The following SLC14A2 variants were observed in gnomAD, a reference collection of about 807,000 sequenced individuals.
SLC14A2 encodes solute carrier family 14 member 2, also known as urea transporter 2.
A neutral mutation model predicts 104.6 loss-of-function variants in SLC14A2; 91 were observed. The ratio of observed to expected loss-of-function variants is 0.87; its 90% CI spans 0.73 to 1.04. SLC14A2 has a LOEUF of 1.04. SLC14A2 is among the 50% of genes least tolerant of loss of function. SLC14A2 has a pLI of 0.00. For missense variants in SLC14A2, 1,189 were observed against 1,156.0 expected (o/e 1.03, Z -0.41); for synonymous variants, 476 against 466.4 (o/e 1.02, Z -0.27).
chr18:45,657,780 C>T (rs1049561711), intron 10 of SLC14A2, among the ~76,000 whole-genome samples: 4 of 152,168 alleles, frequency 2.6e-5, no homozygotes, highest in African/African-American at 9.7e-5. Flanking sequence ...TGGACAAGAT[C>T]ATCTCAAAGC....
intron 2 of SLC14A2, among the ~76,000 whole-genome samples, chr18:45,533,499 G>A (rs966056519): frequency 6.6e-6 from 1 of 152,190 alleles, no homozygotes; most frequent in East Asian, 1.9e-4. Context: ...GGTGTTTATA[G>A]TATTCTCTGA....
At chr18:45,680,632 T>C (rs2046298351) in intron 19 of SLC14A2, among the ~76,000 whole-genome samples, 1 of 152,246 alleles carries the variant, frequency 6.6e-6, no homozygotes, top group African/African-American at 2.4e-5. Flanking sequence ...AATGCTGCCA[T>C]CTGTTTGATG....
intron 1 of SLC14A2, among the ~76,000 whole-genome samples, chr18:45,396,537 G>T (rs1281146823): frequency 6.6e-6 from 1 of 151,726 alleles, no homozygotes; most frequent in Non-Finnish European, 1.5e-5. Context: ...TTATTTTGGG[G>T]GGTTTTCCAT....
At chr18:45,469,685 TTG>T (rs1473468869) in intron 1 of SLC14A2, among the ~76,000 whole-genome samples, 1 of 152,174 alleles carries the variant, frequency 6.6e-6, no homozygotes, top group Admixed American at 6.5e-5. Context: ...AGTGACATGT[TTG>T]TGAAGTCTTA....
chr18:45,182,974 C>T, the SLC14A2 span, among the ~76,000 whole-genome samples: 676 of 152,074 alleles, frequency 4.4e-3, 6 homozygotes, highest in African/African-American at 0.015. Flanking sequence ...AAAACAGTAC[C>T]GTATTGGTGC....
intron 1 of SLC14A2, among the ~76,000 whole-genome samples, chr18:45,280,588 T>A (rs944133188): frequency 1.3e-5 from 2 of 152,146 alleles, no homozygotes; most frequent in Admixed American, 1.3e-4. Flanking sequence ...CTACAGGTCC[T>A]GGGAGAAGGA....
intron 1 of SLC14A2, among the ~76,000 whole-genome samples, chr18:45,443,661 A>T (rs910335259): frequency 1.3e-5 from 2 of 152,106 alleles, no homozygotes; most frequent in African/African-American, 4.8e-5. Flanking sequence ...GATCTTCTGT[A>T]GGGCAGAGGG....
intron 1 of SLC14A2, chr18:45,447,135 C>T (rs1039630594): frequency 6.6e-6 from 1 of 152,154 alleles, no homozygotes; most frequent in Non-Finnish European, 1.5e-5. Flanking sequence ...TAGTCAGTCA[C>T]CTCCCCTGGG....
intron 1 of SLC14A2, among the ~76,000 whole-genome samples, chr18:45,314,583 C>T (rs2085110187): frequency 6.6e-6 from 1 of 152,196 alleles, no homozygotes; most frequent in Non-Finnish European, 1.5e-5. Context: ...TTGAGGTCCT[C>T]TCCTCTCTCC....
At chr18:45,177,795 G>A in the SLC14A2 span, among the ~76,000 whole-genome samples, 3 of 152,164 alleles carry the variant, frequency 2.0e-5, no homozygotes, top group Non-Finnish European at 4.4e-5. Flanking sequence ...GCATAGAGTA[G>A]ACATGCAATT....
At chr18:45,268,565 G>A (rs2084616583) in intron 1 of SLC14A2, among the ~76,000 whole-genome samples, 1 of 152,216 alleles carries the variant, frequency 6.6e-6, no homozygotes, top group South Asian at 2.1e-4. Flanking sequence ...TTGTCCTGGT[G>A]TCTCTTTGGG....
At chr18:45,316,399 G>T (rs1568148485) in intron 1 of SLC14A2, among the ~76,000 whole-genome samples, 1 of 152,166 alleles carries the variant, frequency 6.6e-6, no homozygotes, top group African/African-American at 2.4e-5. Flanking sequence ...GGATCTCAGA[G>T]GTTAAGTGAC....
chr18:45,525,092 G>T (rs913297679), intron 2 of SLC14A2, among the ~76,000 whole-genome samples: 2 of 151,408 alleles, frequency 1.3e-5, no homozygotes, highest in African/African-American at 4.9e-5. Context: ...TACCTCTTGG[G>T]GGTAATTCCC....
chr18:45,358,924 C>T lies in SLC14A2; in HGVS notation c.-124-124309C>T, dbSNP rs568812506. ...ACAATGTATGACCAAACCGGTATAG[C>T]ACAGAGAAAGGAAGGTGAACTTTGA... is the stretch of plus-strand genomic sequence containing the variant. On this transcript the variant is annotated intron_variant, in intron 1 of 20. Coordinates refer to the SLC14A2 transcript ENST00000586448. 1.8e-3 allele frequency among the ~76,000 whole-genome samples: 281 copies of T among 152,258 alleles called. 2 individuals carry two copies. Among genetic ancestry groups the T allele is most frequent in the Admixed American group, 3.4e-3 (52 of 15,284 alleles).
intron 1 of SLC14A2, among the ~76,000 whole-genome samples, chr18:45,459,028 G>A (rs894575126): frequency 6.3e-4 from 96 of 152,320 alleles, no homozygotes; most frequent in African/African-American, 2.1e-3. Context: ...ATGTGTGGCA[G>A]TCCATTCTGA....
At chr18:45,434,988 TA>T (rs1241010391) in intron 1 of SLC14A2, among the ~76,000 whole-genome samples, 1 of 152,228 alleles carries the variant, frequency 6.6e-6, no homozygotes, top group African/African-American at 2.4e-5. Flanking sequence ...AATCTCTATA[TA>T]AAAATATGGT....
intron 2 of SLC14A2, among the ~76,000 whole-genome samples, chr18:45,526,130 A>G (rs939723718): frequency 2.6e-5 from 4 of 152,240 alleles, no homozygotes; most frequent in Non-Finnish European, 5.9e-5. Flanking sequence ...CATTGTGGCT[A>G]TAAGTATCTG....
At chr18:45,489,263 C>T (rs2087673322) in intron 2 of SLC14A2, among the ~76,000 whole-genome samples, 1 of 152,152 alleles carries the variant, frequency 6.6e-6, no homozygotes, top group Admixed American at 6.6e-5. Context: ...ATAATCCCAG[C>T]ACTTTGAGAG....
intron 1 of SLC14A2, among the ~76,000 whole-genome samples, chr18:45,461,615 T>C (rs1776132631): frequency 6.6e-6 from 1 of 152,154 alleles, no homozygotes; most frequent in Non-Finnish European, 1.5e-5. Context: ...GCAAAATCCA[T>C]GTGCACAGTC....
Sources: allele counts gnomAD v4.1 joint callset (sites outside exome capture counted in the v4.1 genomes callset), GRCh38; gene constraint gnomAD v4.1.1; transcripts MANE v1.5; gene names NCBI Gene and HGNC (gene_info 2026-07-23, HGNC 2026-07-21).